Variants in CFAP54 observed in about 807,000 individuals in gnomAD.
CFAP54 encodes cilia and flagella associated protein 54.
CFAP54 carries 290 observed loss-of-function variants against 370.4 expected under a neutral mutation model. The ratio of observed to expected loss-of-function variants is 0.78; its 90% CI spans 0.71 to 0.86. The LOEUF is 0.86. Ranked by LOEUF, CFAP54 falls within the 40% of genes least tolerant of loss-of-function variation. The probability of loss-of-function intolerance (pLI) is 0.00; values close to 1 mark genes in which losing one functional copy is unlikely to be tolerated. For synonymous variants in CFAP54, 1,206 were observed against 1,236.5 expected (o/e 0.98, Z 0.52); for missense variants, 3,399 against 3,528.7 (o/e 0.96, Z 0.93).
chr12:96,834,810 G>A (rs1225230235), intron 66 of CFAP54, among the ~76,000 whole-genome samples: 2 of 152,236 alleles, frequency 1.3e-5, no homozygotes, highest in Admixed American at 6.5e-5. Context: ...CCTGCCATTC[G>A]GCAGCCCTGA....
chr12:96,503,085 T>TCC (rs1955049568), intron 2 of CFAP54, among the ~76,000 whole-genome samples: 1 of 127,328 alleles, frequency 7.9e-6, no homozygotes, highest in African/African-American at 3.1e-5. Flanking sequence ...TTTCTTTCTC[T>TCC]TTCTTTCTTT....
intron 62 of CFAP54, among the ~76,000 whole-genome samples, chr12:96,788,801 A>G (rs569753335): frequency 3.9e-5 from 6 of 152,166 alleles, no homozygotes; most frequent in African/African-American, 1.4e-4. Context: ...TAAAGAAATG[A>G]TTCTCAGTTG....
chr12:96,765,259 T>C, intron 60 of CFAP54, 41 bp downstream of exon 60: 1 of 1,409,222 alleles, frequency 7.1e-7, no homozygotes, highest in Admixed American at 2.0e-5. Flanking sequence ...AAAACTGATA[T>C]ATGTAATATA....
chr12:96,793,019 G>T (rs1170041409), intron 63 of CFAP54, among the ~76,000 whole-genome samples: 1 of 151,494 alleles, frequency 6.6e-6, no homozygotes, highest in Admixed American at 6.6e-5. Flanking sequence ...GAGTAATATT[G>T]GGCTATTTTT....
At chr12:96,635,154 T>A (rs1197307998) in intron 32 of CFAP54, among the ~76,000 whole-genome samples, 1 of 152,216 alleles carries the variant, frequency 6.6e-6, no homozygotes, top group African/African-American at 2.4e-5. Flanking sequence ...TCATATACAT[T>A]TTAGAATAAA....
chr12:96,690,985 T>C, intron 43 of CFAP54, 143 bp from the exon 44 acceptor site: 2 of 669,802 alleles, frequency 3.0e-6, no homozygotes, highest in Admixed American at 3.6e-5. Context: ...ATAATATAAA[T>C]GATAAGTACC....
chr12:96,769,967 C>T (rs1307907068), intron 60 of CFAP54, among the ~76,000 whole-genome samples: 1 of 152,200 alleles, frequency 6.6e-6, no homozygotes, highest in Non-Finnish European at 1.5e-5. Flanking sequence ...ATTTTTCCCT[C>T]CCATACCACC....
chr12:96,632,233 T>A (rs775125799), intron 32 of CFAP54, among the ~76,000 whole-genome samples: 3 of 152,132 alleles, frequency 2.0e-5, no homozygotes, highest in Non-Finnish European at 2.9e-5. Context: ...TCTCCCAGTT[T>A]GTGGCTCATC....
At chr12:96,735,924 T>C (rs930102440) in intron 50 of CFAP54, among the ~76,000 whole-genome samples, 36 of 152,158 alleles carry the variant, frequency 2.4e-4, no homozygotes, top group Admixed American at 5.9e-4. Context: ...GAAATAGTCT[T>C]ATGGCAGAAG....
At chr12:96,828,900 C>T (rs1344601113) in intron 65 of CFAP54, 114 bp from the exon 66 acceptor site, 1 of 516,914 alleles carries the variant, frequency 1.9e-6, no homozygotes, top group Non-Finnish European at 3.3e-6. Flanking sequence ...ATCCTGGGAA[C>T]AAAGGTTAGG....
chr12:96,725,009 G>T (rs1314419591), intron 50 of CFAP54, among the ~76,000 whole-genome samples: 1 of 152,010 alleles, frequency 6.6e-6, no homozygotes, highest in Non-Finnish European at 1.5e-5. Flanking sequence ...TATTTCTGAG[G>T]GCTCTGTTCT....
chr12:96,765,610 A>G (rs1284120385), intron 60 of CFAP54, among the ~76,000 whole-genome samples: 1 of 152,074 alleles, frequency 6.6e-6, no homozygotes, highest in Non-Finnish European at 1.5e-5. Flanking sequence ...ATATTTGTAT[A>G]TATGTTTGAT....
rs147788649 is a variant in CFAP54, at chr12:96,622,541, G to C, written c.3771+820G>C. 9.4e-3 allele frequency among the ~76,000 whole-genome samples: 1,435 copies of C among 152,128 alleles called. 53 individuals are homozygous for C. The East Asian group carries it at 0.098, about 10-fold the overall frequency. ...ATTTTTGTATTTTTAGTAGAGATGGGGTTTCACCATGTTGGCCAGGCTGGT... is the reference window on the plus strand; with the variant it reads ...ATTTTTGTATTTTTAGTAGAGATGGCGTTTCACCATGTTGGCCAGGCTGGT... On this transcript the variant is annotated intron_variant, in intron 27 of 67. Transcript: ENST00000524981.
intron 60 of CFAP54, among the ~76,000 whole-genome samples, chr12:96,778,131 C>T (rs1414634219): frequency 6.6e-6 from 1 of 152,174 alleles, no homozygotes; most frequent in East Asian, 1.9e-4. Context: ...TTTGCAGCTA[C>T]ATTTAAAATC....
At chr12:96,758,200 GT>G (rs1958286744) in intron 58 of CFAP54, among the ~76,000 whole-genome samples, 1 of 152,152 alleles carries the variant, frequency 6.6e-6, no homozygotes, top group African/African-American at 2.4e-5. Context: ...AGGAGGAAAG[GT>G]GGGAGGAAAT....
chr12:96,823,712 C>T (rs1248672938), intron 65 of CFAP54, among the ~76,000 whole-genome samples: 1 of 152,068 alleles, frequency 6.6e-6, no homozygotes, highest in African/African-American at 2.4e-5. Flanking sequence ...TCCTTCGTGG[C>T]CTATAGGAGG....
chr12:96,491,127 G>T (rs1466931786), intron 1 of CFAP54, among the ~76,000 whole-genome samples: 1 of 152,102 alleles, frequency 6.6e-6, no homozygotes, highest in Non-Finnish European at 1.5e-5. Context: ...GAGCTACTGC[G>T]CCTGGCCTGA....
At chr12:96,731,480 G>A (rs1957918176) in intron 50 of CFAP54, among the ~76,000 whole-genome samples, 1 of 152,112 alleles carries the variant, frequency 6.6e-6, no homozygotes, top group East Asian at 1.9e-4. Flanking sequence ...TTGAGTATTT[G>A]GCAAATATTT....
At chr12:96,804,445 A>G (rs924510326) in intron 63 of CFAP54, among the ~76,000 whole-genome samples, 2 of 152,196 alleles carry the variant, frequency 1.3e-5, no homozygotes, top group African/African-American at 4.8e-5. Flanking sequence ...TCAGTACACA[A>G]AAGAAATCAG....
Sources: allele counts gnomAD v4.1 joint callset (sites outside exome capture counted in the v4.1 genomes callset), GRCh38; gene constraint gnomAD v4.1.1; transcripts MANE v1.5; gene names NCBI Gene and HGNC (gene_info 2026-07-23, HGNC 2026-07-21).